The following GSE1 variants were observed in gnomAD, a reference collection of about 807,000 sequenced individuals.
GSE1 encodes genetic suppressor element 1.
A neutral mutation model predicts 112.6 loss-of-function variants in GSE1; 32 were observed. That is an observed-to-expected ratio of 0.28 (90% CI 0.21 to 0.38). GSE1 has a LOEUF of 0.38. Ranked by LOEUF, GSE1 falls within the 10% of genes least tolerant of loss-of-function variation. GSE1 has a pLI of 1.00. For synonymous variants in GSE1, 1,115 were observed against 735.6 expected, an observed-to-expected ratio of 1.52 and a Z score of -8.35; for missense variants, 2,348 against 1,699.2, an observed-to-expected ratio of 1.38 and a Z score of -6.71.
At chr16:85,671,452 A>AAAAAAAAAAAAC (rs2053331064) in intron 15 of GSE1, among the ~76,000 whole-genome samples, 1 of 148,966 alleles carries the variant, frequency 6.7e-6, no homozygotes, top group Non-Finnish European at 1.5e-5. Flanking sequence ...AAAAAAAAAA[A>AAAAAAAAAAAAC]AAAAAGATCA....
intron 2 of GSE1, among the ~76,000 whole-genome samples, chr16:85,389,800 G>A (rs1435276385): frequency 6.6e-6 from 1 of 152,222 alleles, no homozygotes; most frequent in Non-Finnish European, 1.5e-5. Flanking sequence ...TGCAAGGCAG[G>A]TGCTAGTATT....
At chr16:85,663,265 C>A (rs2052579003) in intron 10 of GSE1, 79 bp from the exon 11 acceptor site, 1 of 1,518,458 alleles carries the variant, frequency 6.6e-7, no homozygotes, top group South Asian at 1.2e-5. Context: ...CTTCGAGGAC[C>A]CCAGGAGGGG....
At chr16:85,442,158 C>A (rs1475922414) in intron 2 of GSE1, among the ~76,000 whole-genome samples, 3 of 152,230 alleles carry the variant, frequency 2.0e-5, no homozygotes, top group African/African-American at 7.2e-5. Flanking sequence ...CTTAGTCCTG[C>A]CGTCGTTTCA....
At position 85,224,391 on chromosome 16, in the gene GSE1, G is replaced by T. The variant is rs189423398; in HGVS notation, c.2283+52584G>T. ...TCATTAAAAAAAAATTCTCGATCTGGTTGGCAGCTGATAAACTAATATTTG... is the reference window on the plus strand; with the variant it reads ...TCATTAAAAAAAAATTCTCGATCTGTTTGGCAGCTGATAAACTAATATTTG... On this transcript the variant is annotated intron_variant, in intron 1 of 2. Coordinates refer to the GSE1 transcript ENST00000637419. Among the ~76,000 whole-genome samples the T allele has an allele frequency of 2.9e-3, 430 of 150,554 alleles. 1 individual carries two copies. The highest frequency in any genetic ancestry group is 4.6e-3 in the Non-Finnish European group (310 of 67,816).
At chr16:85,624,694 C>G (rs980025465) in intron 1 of GSE1, among the ~76,000 whole-genome samples, 1 of 152,210 alleles carries the variant, frequency 6.6e-6, no homozygotes, top group African/African-American at 2.4e-5. Flanking sequence ...CTCCGTTCAG[C>G]CTCTGTAGGC....
chr16:85,225,357 A>T (rs959517214), intron 1 of GSE1, among the ~76,000 whole-genome samples: 16 of 152,136 alleles, frequency 1.1e-4, no homozygotes, highest in Admixed American at 1.0e-3. Flanking sequence ...AGAGCAGAGC[A>T]GTCAGTGCAG....
chr16:85,331,042 G>A (rs2046329423), intron 1 of GSE1, among the ~76,000 whole-genome samples: 1 of 152,136 alleles, frequency 6.6e-6, no homozygotes, highest in Admixed American at 6.6e-5. Flanking sequence ...TTTAGGCTGG[G>A]CACCTAGCCT....
intron 2 of GSE1, among the ~76,000 whole-genome samples, chr16:85,443,292 C>T (rs2049426309): frequency 6.6e-6 from 1 of 152,214 alleles, no homozygotes; most frequent in Non-Finnish European, 1.5e-5. Flanking sequence ...GCCCATCTCG[C>T]CCGTTTCTCC....
At chr16:85,374,164 T>TG (rs2047363528) in intron 2 of GSE1, among the ~76,000 whole-genome samples, 1 of 151,844 alleles carries the variant, frequency 6.6e-6, no homozygotes, top group East Asian at 1.9e-4. Context: ...TGGCCCTCGG[T>TG]GTGCAGTGTG....
chr16:85,391,485 G>A (rs2047837560), intron 2 of GSE1, among the ~76,000 whole-genome samples: 1 of 152,160 alleles, frequency 6.6e-6, no homozygotes, highest in Admixed American at 6.5e-5. Flanking sequence ...GGTCCAGCCG[G>A]CGATGCTTCC....
intron 1 of GSE1, among the ~76,000 whole-genome samples, chr16:85,577,683 C>T (rs2046284038): frequency 6.6e-6 from 1 of 152,162 alleles, no homozygotes; most frequent in Non-Finnish European, 1.5e-5. Context: ...CCTGATCACC[C>T]ATCCTAGGAA....
At chr16:85,631,037 G>A (rs2049500395) in intron 1 of GSE1, among the ~76,000 whole-genome samples, 1 of 152,156 alleles carries the variant, frequency 6.6e-6, no homozygotes. Context: ...CGTTCCCCGG[G>A]GCCCTGCTCC....
intron 1 of GSE1, among the ~76,000 whole-genome samples, chr16:85,173,007 T>A (rs1225333464): frequency 6.6e-6 from 1 of 152,222 alleles, no homozygotes; most frequent in Non-Finnish European, 1.5e-5. Flanking sequence ...TCTTTGTGGC[T>A]TTGGTGGGAT....
chr16:85,462,792 G>A (rs1280617242), intron 2 of GSE1, among the ~76,000 whole-genome samples: 1 of 143,104 alleles, frequency 7.0e-6, no homozygotes, highest in Non-Finnish European at 1.6e-5. Context: ...GGCTGGCGGT[G>A]CGTGAAGCCG....
chr16:85,237,679 G>A (rs1211950539), intron 1 of GSE1, among the ~76,000 whole-genome samples: 3 of 151,324 alleles, frequency 2.0e-5, no homozygotes, highest in Non-Finnish European at 3.0e-5. Flanking sequence ...TCTACTAAAA[G>A]TACAAAAAAT....
intron 1 of GSE1, among the ~76,000 whole-genome samples, chr16:85,312,081 C>T (rs1168143856): frequency 6.6e-6 from 1 of 151,916 alleles, no homozygotes; most frequent in Non-Finnish European, 1.5e-5. Flanking sequence ...CCCCCAGAGC[C>T]CTGGGGCAAG....
intron 1 of GSE1, among the ~76,000 whole-genome samples, chr16:85,565,040 A>G (rs1255842944): frequency 2.0e-5 from 3 of 152,120 alleles, no homozygotes; most frequent in Non-Finnish European, 4.4e-5. Context: ...AATGTCATCA[A>G]GCCGGTGACA....
upstream of GSE1, chr16:85,555,740 C>T: frequency 2.0e-6 from 2 of 980,782 alleles, no homozygotes; most frequent in African/African-American, 1.8e-5. Context: ...GTCTCTTGAC[C>T]CTCGCCCTTG....
At chr16:85,554,563 G>C (rs1323629479), upstream of GSE1, among the ~76,000 whole-genome samples, 2 of 152,180 alleles carry the variant, frequency 1.3e-5, no homozygotes, top group Non-Finnish European at 2.9e-5. Flanking sequence ...GATTTTTAAG[G>C]GGTGGGGTGC....
Sources: allele counts gnomAD v4.1 joint callset (sites outside exome capture counted in the v4.1 genomes callset), GRCh38; gene constraint gnomAD v4.1.1; transcripts MANE v1.5; gene names NCBI Gene and HGNC (gene_info 2026-07-23, HGNC 2026-07-21).